The following ZNF727 variants were observed in gnomAD, a reference collection of about 807,000 sequenced individuals.
ZNF727 encodes zinc finger protein 727, also known as putative zinc finger protein 727.
A neutral mutation model predicts 11.5 loss-of-function variants in ZNF727; 11 were observed. The observed-to-expected ratio is 0.95, with a 90% CI of 0.60 to 1.58. The LOEUF is 1.58. Among genes scored for constraint, ZNF727 ranks in the 40% most tolerant of loss-of-function variants. ZNF727 has a pLI of 0.00. For synonymous variants in ZNF727, 171 were observed against 196.1 expected (o/e 0.87, Z 1.07); for missense variants, 533 against 581.7 (o/e 0.92, Z 0.86).
intron 1 of ZNF727, among the ~76,000 whole-genome samples, chr7:64,066,851 C>G (rs770895853): frequency 2.2e-4 from 33 of 152,160 alleles, no homozygotes; most frequent in Non-Finnish European, 4.3e-4. Flanking sequence ...AAACTATCCT[C>G]AGAGTGAACA....
intron 1 of ZNF727, among the ~76,000 whole-genome samples, chr7:64,068,515 T>C (rs1452668563): frequency 6.6e-6 from 1 of 152,160 alleles, no homozygotes; most frequent in African/African-American, 2.4e-5. Flanking sequence ...CAAGATCTCC[T>C]GTTTATTGCT....
chr7:64,048,568 A>G (rs1381991177), intron 1 of ZNF727, among the ~76,000 whole-genome samples: 2 of 152,204 alleles, frequency 1.3e-5, no homozygotes, highest in Admixed American at 6.5e-5. Context: ...TTTCTACTTC[A>G]TAGGAAATAT....
chr7:64,078,004 A>G lies in ZNF727; in HGVS notation c.955A>G (p.Lys319Glu). The G allele has an allele frequency of 6.2e-7, 1 of 1,605,718 alleles. No individual in the cohort carries two copies. The highest frequency in any genetic ancestry group is 1.7e-5 in the Admixed American group (1 of 58,458). ...ACCCTACAAATGTAATGAATGTGGA[A>G]AAGCTTTTATGTGGATCTCGGCCCT... ...EKPYKCNECG[K>E]AFMWISALSQ... The change falls in exon 4 of 4, where the codon AAA (lysine) becomes GAA (glutamate). Residue 319 changes from lysine to glutamate, a missense_variant. This residue lies in a region of ZNF727 where 463 missense variants were observed against 494.5 expected (regional missense o/e 0.94). Coordinates refer to ENST00000456806, the MANE Select transcript of ZNF727 (RefSeq NM_001159522.3).
At chr7:64,060,596 C>G (rs1160619427) in intron 1 of ZNF727, among the ~76,000 whole-genome samples, 3 of 152,200 alleles carry the variant, frequency 2.0e-5, no homozygotes, top group Non-Finnish European at 2.9e-5. Context: ...AACCTGAATC[C>G]CAGATCTTTA....
chr7:64,071,424 A>T (rs887404524), intron 3 of ZNF727, among the ~76,000 whole-genome samples: 1 of 152,024 alleles, frequency 6.6e-6, no homozygotes, highest in Non-Finnish European at 1.5e-5. Flanking sequence ...ATTAACATTT[A>T]TTTAGTCCTT....
rs1785711438 is a variant in ZNF727, at chr7:64,077,933, G to A, written c.884G>A (p.Cys295Tyr). The A allele has an allele frequency of 1.9e-6, 3 of 1,585,648 alleles. No individual in the cohort carries two copies. Among genetic ancestry groups the A allele is most frequent in the Non-Finnish European group, 2.6e-6 (3 of 1,165,314 alleles). ...KCKECHKAFR[C>Y]CSDLTKHKRI... The stretch of plus-strand genomic sequence containing the variant: ...AAAGAATGTCACAAAGCCTTTAGGT[G>A]TTGCTCAGACCTTACTAAACATAAG... Residue 295 changes from cysteine (C) to tyrosine (Y), a missense_variant, in exon 4 of 4, where the codon TGT becomes TAT. By Grantham distance (194) the Cys-to-Tyr change is radical (BLOSUM62 -2). Coordinates refer to ENST00000456806, the MANE Select transcript of ZNF727 (RefSeq NM_001159522.3).
chr7:64,053,345 G>T (rs1334173322), intron 1 of ZNF727, among the ~76,000 whole-genome samples: 1 of 152,122 alleles, frequency 6.6e-6, no homozygotes, highest in Non-Finnish European at 1.5e-5. Context: ...TTTGGAGACA[G>T]AATCTCACTC....
chr7:64,064,385 C>T (rs1789830445), intron 1 of ZNF727, among the ~76,000 whole-genome samples: 1 of 152,172 alleles, frequency 6.6e-6, no homozygotes, highest in East Asian at 1.9e-4. Flanking sequence ...CTAGAACTGT[C>T]ACCCAGGAAC....
Sources: allele counts gnomAD v4.1 joint callset (sites outside exome capture counted in the v4.1 genomes callset), GRCh38; gene constraint gnomAD v4.1.1; regional missense constraint gnomAD v4.1.1; transcripts MANE v1.5; gene names NCBI Gene and HGNC (gene_info 2026-07-23, HGNC 2026-07-21).